The following NGLY1 variants were observed in gnomAD, a reference collection of about 807,000 sequenced individuals.
NGLY1 encodes peptide-N(4)-(N-acetyl-beta-glucosaminyl)asparagine amidase.
In NGLY1, 68 loss-of-function variants were observed where a neutral mutation model predicts 84.6. The observed-to-expected ratio is 0.80, with a 90% CI of 0.66 to 0.98. NGLY1 has a LOEUF of 0.98. Among genes scored for constraint, NGLY1 ranks in the 50% least tolerant of loss-of-function variants. The probability of loss-of-function intolerance (pLI) is 0.00; values close to 1 mark genes in which losing one functional copy is unlikely to be tolerated. For synonymous variants in NGLY1, 280 were observed against 275.2 expected (o/e 1.02, Z -0.17); for missense variants, 779 against 770.2 (o/e 1.01, Z -0.14).
chr3:25,749,823 T>G lies in NGLY1; in HGVS notation c.658+1275A>C. The stretch of plus-strand genomic sequence containing the variant: ...TCCTCCAAGAACTGCAAAGCCATCA[T>G]GGAAAGAGCCACCCAGCTGGCCATC... On this transcript the variant is annotated intron_variant, in intron 4 of 11. Transcript: ENST00000280700. The G allele has an allele frequency of 4.2e-6, 5 of 1,183,052 alleles. No homozygotes were observed. In the South Asian group the frequency reaches 6.0e-5, roughly 14 times the overall value. 73.3% of individuals were successfully genotyped at this position (1,183,052 alleles called of 1,614,324 possible).
At chr3:25,769,498 C>T (rs912651516) in intron 2 of NGLY1, among the ~76,000 whole-genome samples, 3 of 152,114 alleles carry the variant, frequency 2.0e-5, no homozygotes, top group African/African-American at 7.2e-5. Flanking sequence ...ATCAAAACCA[C>T]AATGAGATAT....
intron 5 of NGLY1, among the ~76,000 whole-genome samples, chr3:25,738,489 A>T (rs1705955543): frequency 6.6e-6 from 1 of 152,154 alleles, no homozygotes. Flanking sequence ...CTGAGCAGAG[A>T]GGTCAGCCAC....
At chr3:25,755,635 T>G (rs565253481) in intron 3 of NGLY1, 2 of 1,484,600 alleles carry the variant, frequency 1.3e-6, no homozygotes, top group East Asian at 4.5e-5. Flanking sequence ...GCAAACCCAC[T>G]GAAGAGAAAA....
upstream of NGLY1, among the ~76,000 whole-genome samples, chr3:25,785,189 A>G (rs928955639): frequency 2.0e-5 from 3 of 151,384 alleles, no homozygotes; most frequent in Non-Finnish European, 4.4e-5. Context: ...ACATGAGCCC[A>G]GAAATGACAC....
At chr3:25,725,098 G>A (rs1705184287) in intron 10 of NGLY1, among the ~76,000 whole-genome samples, 3 of 152,212 alleles carry the variant, frequency 2.0e-5, no homozygotes, top group South Asian at 2.1e-4. Flanking sequence ...AGGTAGAAAT[G>A]CTGCACAGAG....
intron 1 of NGLY1, among the ~76,000 whole-genome samples, chr3:25,780,060 A>C (rs1559561442): frequency 6.6e-6 from 1 of 152,274 alleles, no homozygotes; most frequent in African/African-American, 2.4e-5. Context: ...AGTGTATTTT[A>C]CAAAAGTTAT....
chr3:25,764,841 G>A (rs1707487538), intron 2 of NGLY1, among the ~76,000 whole-genome samples: 1 of 152,020 alleles, frequency 6.6e-6, no homozygotes, highest in African/African-American at 2.4e-5. Flanking sequence ...CTGTGTATGG[G>A]GTCAACTAAT....
intron 1 of NGLY1, among the ~76,000 whole-genome samples, chr3:25,779,515 T>C (rs371186688): frequency 1.6e-4 from 25 of 152,336 alleles, no homozygotes; most frequent in African/African-American, 5.5e-4. Context: ...AAAGTGATAG[T>C]GACTTCTTTA....
At chr3:25,760,330 C>A (rs1575645865) in intron 3 of NGLY1, among the ~76,000 whole-genome samples, 1 of 152,008 alleles carries the variant, frequency 6.6e-6, no homozygotes, top group African/African-American at 2.4e-5. Flanking sequence ...CATATACAGA[C>A]AACATATGTT....
chr3:25,722,451 C>T (rs1341829800), intron 10 of NGLY1, among the ~76,000 whole-genome samples: 8 of 152,012 alleles, frequency 5.3e-5, no homozygotes, highest in Admixed American at 3.3e-4. Context: ...AAAAATCAAT[C>T]GCCAATAGTA....
At position 25,771,770 on chromosome 3, in the gene NGLY1, G is replaced by GTATTT. The variant is rs547039511; in HGVS notation, c.246+6799_246+6803dup. ...TGTGGTTGGTTAGGTATATTCCTAA[G>GTATTT]TATTTTATTTTATTTTATTGCAGCA... On this transcript the variant is annotated intron_variant, in intron 2 of 11. Coordinates refer to ENST00000280700, the MANE Select transcript of NGLY1 (RefSeq NM_018297.4). Among the ~76,000 whole-genome samples, 492 of 152,228 alleles carry GTATTT rather than the reference G, an allele frequency of 3.2e-3. 1 individual carries two copies. Among genetic ancestry groups the GTATTT allele is most frequent in the African/African-American group, 9.6e-3 (397 of 41,530 alleles).
chr3:25,739,107 T>C (rs1173845372), intron 5 of NGLY1, among the ~76,000 whole-genome samples: 1 of 152,224 alleles, frequency 6.6e-6, no homozygotes, highest in Non-Finnish European at 1.5e-5. Flanking sequence ...CATCCGATGA[T>C]AATATGGAAG....
chr3:25,769,403 T>C (rs1472530674), intron 2 of NGLY1, among the ~76,000 whole-genome samples: 1 of 152,080 alleles, frequency 6.6e-6, no homozygotes, highest in Non-Finnish European at 1.5e-5. Context: ...AAGATCTGAA[T>C]AGACATTTCT....
chr3:25,763,138 A>C (rs967439341), intron 3 of NGLY1, among the ~76,000 whole-genome samples: 1 of 152,182 alleles, frequency 6.6e-6, no homozygotes, highest in Non-Finnish European at 1.5e-5. Context: ...AGAAAAAAAC[A>C]AAACAAAAGA....
intron 9 of NGLY1, chr3:25,730,663 T>C (rs2125462612): frequency 6.6e-6 from 1 of 152,292 alleles, no homozygotes; most frequent in Middle Eastern, 3.4e-3. Flanking sequence ...ATCCTATGGC[T>C]GAACCAACAC....
chr3:25,783,711 T>TG (rs972894577), upstream of NGLY1, among the ~76,000 whole-genome samples: 1 of 81,538 alleles, frequency 1.2e-5, no homozygotes, highest in East Asian at 3.1e-4. This position sits in a 1 kb window ranked among gnomAD's most constrained non-coding sequence, Gnocchi z 4.5. Context: ...CGGAAGAAGG[T>TG]GGGGGGCCTC....
intron 3 of NGLY1, among the ~76,000 whole-genome samples, chr3:25,760,364 T>C (rs1188607502): frequency 2.0e-5 from 3 of 152,220 alleles, no homozygotes; most frequent in Non-Finnish European, 1.5e-5. Flanking sequence ...ATTCTCAGTT[T>C]ACCTTTTTTC....
intron 11 of NGLY1, 112 bp downstream of exon 11, chr3:25,719,902 A>G: frequency 1.1e-6 from 1 of 913,870 alleles, no homozygotes; most frequent in Non-Finnish European, 1.6e-6. Flanking sequence ...TTTTACTGAA[A>G]TAGTATTAAT....
rs369784943 is a variant in NGLY1 at position 25,751,214 on chromosome 3, T to G, written c.542A>C (p.His181Pro). The G allele has an allele frequency of 6.2e-7, 1 of 1,611,668 alleles. No individual in the cohort carries two copies. The change falls in exon 4 of 12, where the codon CAT (histidine) becomes CCT (proline). Residue 181 changes from histidine to proline, a missense_variant. His to Pro is a moderately conservative substitution (Grantham distance 77). Coordinates refer to ENST00000280700, the MANE Select transcript of NGLY1 (RefSeq NM_018297.4). ...ILEVLQSNIQHVLVYENPALQ... is the reference protein window; with the variant it reads ...ILEVLQSNIQPVLVYENPALQ... Reference sequence around the variant, plus strand: ...AGCAGGATTTTCATAGACCAGCACATGCTGAATGTTGGACTGAAGAACTTC... The same window carrying G: ...AGCAGGATTTTCATAGACCAGCACAGGCTGAATGTTGGACTGAAGAACTTC...
Sources: allele counts gnomAD v4.1 joint callset (sites outside exome capture counted in the v4.1 genomes callset), GRCh38; gene constraint gnomAD v4.1.1; non-coding constraint Gnocchi (gnomAD v3.1); transcripts MANE v1.5; gene names NCBI Gene and HGNC (gene_info 2026-07-23, HGNC 2026-07-21).